The following SPON1 variants were observed in gnomAD, a reference collection of about 807,000 sequenced individuals.
SPON1 encodes spondin 1, also known as spondin-1.
A neutral mutation model predicts 111.7 loss-of-function variants in SPON1; 52 were observed. The observed-to-expected ratio is 0.47, with a 90% CI of 0.37 to 0.59. The LOEUF (loss-of-function observed/expected upper bound fraction) is 0.59. Among genes scored for constraint, SPON1 ranks in the 20% least tolerant of loss-of-function variants. The pLI, the probability that SPON1 is intolerant of heterozygous loss-of-function variation, is 0.00. For missense variants in SPON1, 957 were observed against 1,068.5 expected, an observed-to-expected ratio of 0.90 and a Z score of 1.46; for synonymous variants, 410 against 395.8, an observed-to-expected ratio of 1.04 and a Z score of -0.43.
intron 5 of SPON1, among the ~76,000 whole-genome samples, chr11:14,093,942 G>T (rs1849078974): frequency 6.6e-6 from 1 of 152,106 alleles, no homozygotes; most frequent in Non-Finnish European, 1.5e-5. Flanking sequence ...GCCAGGCATG[G>T]TGGTCACGCC....
intron 6 of SPON1, among the ~76,000 whole-genome samples, chr11:14,231,121 TTTTC>T (rs1189634489): frequency 6.7e-6 from 1 of 148,812 alleles, no homozygotes; most frequent in Admixed American, 6.7e-5. Context: ...CCGCCACTTT[TTTTC>T]TTTTTTTTCT....
chr11:14,237,641 T>C (rs1439889369), intron 6 of SPON1, among the ~76,000 whole-genome samples: 2 of 152,366 alleles, frequency 1.3e-5, no homozygotes, highest in East Asian at 3.9e-4. Flanking sequence ...ACACTGTGTG[T>C]GTGGCTGCGT....
intron 3 of SPON1, among the ~76,000 whole-genome samples, chr11:14,055,964 T>A (rs1406356): frequency 0.43 from 65,821 of 151,984 alleles, 14,710 homozygotes; most frequent in South Asian, 0.57. Context: ...CCTTCAAAGA[T>A]TACCCCTGTA....
chr11:14,135,482 G>C lies in SPON1; in HGVS notation c.739G>C (p.Glu247Gln). The C allele has an allele frequency of 1.2e-6, 2 of 1,613,962 alleles. No individual in the cohort carries two copies. The highest frequency in any genetic ancestry group is 1.7e-6 in the Non-Finnish European group (2 of 1,179,846). The change falls in exon 6 of 16, where the codon GAA (glutamate) becomes CAA (glutamine). Residue 247 changes from glutamate to glutamine, a missense_variant. Physicochemically the swap from Glu to Gln is conservative, Grantham distance 29. Transcript: ENST00000576479. The surrounding 1 kb of genome is among the most constrained non-coding windows in gnomAD (Gnocchi z 4.4). Reference sequence around the variant, plus strand: ...CCACTCCAAGAATTATGTACTGTGGGAATATGGAGGATATGCCAGCGAAGG... The same window carrying C: ...CCACTCCAAGAATTATGTACTGTGGCAATATGGAGGATATGCCAGCGAAGG... Reference protein sequence around the residue: ...GSHSKNYVLWEYGGYASEGVK... With the variant: ...GSHSKNYVLWQYGGYASEGVK...
At chr11:13,965,967 T>A (rs1159108052) in intron 1 of SPON1, among the ~76,000 whole-genome samples, 1 of 152,164 alleles carries the variant, frequency 6.6e-6, no homozygotes, top group Non-Finnish European at 1.5e-5. Flanking sequence ...TCCACAGTAT[T>A]CCAGTTCATC....
At chr11:14,055,456 C>T (rs912222025) in intron 3 of SPON1, among the ~76,000 whole-genome samples, 9 of 152,160 alleles carry the variant, frequency 5.9e-5, no homozygotes, top group African/African-American at 1.9e-4. Context: ...GGTAGTCTTC[C>T]GTCTTTTTAA....
chr11:14,264,046 A>AAAAAG (rs1379296758), intron 15 of SPON1, among the ~76,000 whole-genome samples: 2 of 151,740 alleles, frequency 1.3e-5, no homozygotes, highest in Non-Finnish European at 2.9e-5. Flanking sequence ...AAAAAAAAAA[A>AAAAAG]AAAGAAAAGT....
intron 3 of SPON1, among the ~76,000 whole-genome samples, chr11:14,072,956 C>T (rs1283789087): frequency 1.3e-5 from 2 of 151,942 alleles, no homozygotes; most frequent in Non-Finnish European, 2.9e-5. Context: ...TCATACAGGT[C>T]GAGTATTCCT....
chr11:14,091,494 G>A (rs551323252), intron 5 of SPON1, among the ~76,000 whole-genome samples: 19 of 152,300 alleles, frequency 1.2e-4, no homozygotes, highest in African/African-American at 4.6e-4. Flanking sequence ...GCTCAGGCTC[G>A]GTGAGAAATT....
chr11:14,258,290 CTG>C (rs1346296333), intron 11 of SPON1, among the ~76,000 whole-genome samples: 1 of 152,268 alleles, frequency 6.6e-6, no homozygotes, highest in Non-Finnish European at 1.5e-5. Flanking sequence ...AGCCCCTCAT[CTG>C]TGTTCCACCT....
chr11:14,243,501 T>A (rs782110837), intron 7 of SPON1, 105 bp downstream of exon 7: 10 of 921,302 alleles, frequency 1.1e-5, no homozygotes, highest in East Asian at 5.3e-5. Flanking sequence ...AAGTTAGCAC[T>A]ACTTCTCAGT....
intron 5 of SPON1, among the ~76,000 whole-genome samples, chr11:14,126,748 A>C (rs1427963050): frequency 1.3e-5 from 2 of 152,066 alleles, no homozygotes; most frequent in East Asian, 3.9e-4. Flanking sequence ...AGAGGCTCTG[A>C]GTTTTCCTTT....
intron 2 of SPON1, among the ~76,000 whole-genome samples, chr11:14,039,639 A>G (rs1395902851): frequency 6.6e-6 from 1 of 152,194 alleles, no homozygotes; most frequent in East Asian, 1.9e-4. Flanking sequence ...TATAAAGCTA[A>G]TGAAAGAAAA....
intron 6 of SPON1, among the ~76,000 whole-genome samples, chr11:14,234,963 A>G (rs563881796): frequency 1.3e-5 from 2 of 152,334 alleles, no homozygotes; most frequent in Admixed American, 6.5e-5. Context: ...GGAACGGGGC[A>G]TAGAATGAGC....
At chr11:14,160,512 T>C (rs1847907362) in intron 6 of SPON1, among the ~76,000 whole-genome samples, 1 of 13,902 alleles carries the variant, frequency 7.2e-5, no homozygotes, top group Non-Finnish European at 1.1e-4. Context: ...TATATATTTA[T>C]ATATATATTT....
intron 3 of SPON1, among the ~76,000 whole-genome samples, chr11:14,072,398 T>C (rs555083145): frequency 2.0e-5 from 3 of 152,272 alleles, no homozygotes; most frequent in Admixed American, 6.5e-5. Flanking sequence ...TACTTTTCTA[T>C]GCACTATCAT....
rs773344912 is a variant in SPON1 at position 14,243,395 on chromosome 11, G to A, written c.889G>A (p.Val297Met). 3.2e-5 allele frequency: 51 copies of A among 1,570,012 alleles called. No homozygotes were observed. The East Asian group carries it at 3.3e-4, about 10-fold the overall frequency. ...ATGGCCAGCCTGGCAGCCTCTCAACGTGTAAGTAACACAAGTCCCTTGCCT... is the reference window on the plus strand; with the variant it reads ...ATGGCCAGCCTGGCAGCCTCTCAACATGTAAGTAACACAAGTCCCTTGCCT... ...AQWPAWQPLN[V>M]RAAPSAEFSV... The change falls in exon 7 of 16, where the codon GTG (valine) becomes ATG (methionine). Residue 297 changes from valine (V) to methionine (M), a missense_variant and splice_region_variant. Transcript: ENST00000576479.
intron 2 of SPON1, among the ~76,000 whole-genome samples, chr11:14,010,614 A>G (rs1848396601): frequency 6.6e-6 from 1 of 152,216 alleles, no homozygotes; most frequent in Non-Finnish European, 1.5e-5. Context: ...ACCTGTGTGC[A>G]TGCTTATACG....
intron 6 of SPON1, among the ~76,000 whole-genome samples, chr11:14,178,569 C>T (rs1316338759): frequency 6.6e-6 from 1 of 152,098 alleles, no homozygotes; most frequent in Non-Finnish European, 1.5e-5. Flanking sequence ...TAAATTGTTA[C>T]ATACTCTGCA....
Sources: allele counts gnomAD v4.1 joint callset (sites outside exome capture counted in the v4.1 genomes callset), GRCh38; gene constraint gnomAD v4.1.1; non-coding constraint Gnocchi (gnomAD v3.1); transcripts MANE v1.5; gene names NCBI Gene and HGNC (gene_info 2026-07-23, HGNC 2026-07-21).